CSMD1: variants seen among roughly 807,000 people sequenced by gnomAD.
CSMD1 encodes CUB and sushi domain-containing protein 1.
A neutral mutation model predicts 417.5 loss-of-function variants in CSMD1; 213 were observed. The observed-to-expected ratio is 0.51, with a 90% CI of 0.46 to 0.57. CSMD1 has a LOEUF of 0.57. CSMD1 is among the 20% of genes least tolerant of loss of function. The pLI, the probability that CSMD1 is intolerant of heterozygous loss-of-function variation, is 0.00. For missense variants in CSMD1, 6,923 were observed against 4,529.7 expected (o/e 1.53, Z -15.17); for synonymous variants, 2,862 against 1,736.8 (o/e 1.65, Z -16.11).
intron 10 of CSMD1, among the ~76,000 whole-genome samples, chr8:3,523,688 G>A (rs1563119817): frequency 1.3e-5 from 2 of 148,152 alleles, no homozygotes; most frequent in Non-Finnish European, 3.0e-5. Flanking sequence ...CACCCAGAGA[G>A]ACATATGCAC....
intron 20 of CSMD1, among the ~76,000 whole-genome samples, chr8:3,362,254 G>C (rs1449247260): frequency 6.6e-6 from 1 of 152,166 alleles, no homozygotes; most frequent in Non-Finnish European, 1.5e-5. Flanking sequence ...ATTTTTCAAA[G>C]TGTTGGGTGT....
intron 1 of CSMD1, among the ~76,000 whole-genome samples, chr8:4,652,616 C>A (rs373009710): frequency 2.6e-5 from 4 of 152,010 alleles, no homozygotes; most frequent in African/African-American, 9.6e-5. Flanking sequence ...CAAGCCATTG[C>A]ACCACAGCCT....
At chr8:3,222,152 A>G (rs184614852) in intron 28 of CSMD1, among the ~76,000 whole-genome samples, 78 of 152,192 alleles carry the variant, frequency 5.1e-4, no homozygotes, top group African/African-American at 1.8e-3. Flanking sequence ...GTCATAATCT[A>G]TGGGTTGGGA....
chr8:3,173,134 C>G (rs73183559), intron 37 of CSMD1, among the ~76,000 whole-genome samples: 1 of 152,086 alleles, frequency 6.6e-6, no homozygotes, highest in South Asian at 2.1e-4. Flanking sequence ...CATGTGATTA[C>G]GTAATTTATT....
rs374152414 is a variant in CSMD1, at chr8:3,454,123, T to C, written c.1561+14589A>G. Among the ~76,000 whole-genome samples, 84 of 152,312 alleles carry C rather than the reference T, an allele frequency of 5.5e-4. 1 individual carries two copies. In the South Asian group the frequency reaches 0.017, roughly 30 times the overall value. On this transcript the variant is annotated intron_variant, in intron 12 of 69. Coordinates refer to ENST00000635120, the MANE Select transcript of CSMD1 (RefSeq NM_033225.6). ...GTTTAAAGTCTGTTTTATCAGAGAC[T>C]AGGATTGCAACCCCTGCCTTTTTTT...
At chr8:3,804,030 C>G (rs1374983146) in intron 5 of CSMD1, among the ~76,000 whole-genome samples, 4 of 152,180 alleles carry the variant, frequency 2.6e-5, no homozygotes, top group Admixed American at 2.6e-4. Context: ...TGAGTTCAAG[C>G]GATTCTTCTT....
intron 2 of CSMD1, among the ~76,000 whole-genome samples, chr8:4,591,901 A>G (rs1800005412): frequency 1.3e-5 from 2 of 152,266 alleles, no homozygotes; most frequent in East Asian, 3.9e-4. Context: ...AAAGTTGGGC[A>G]GACATTCTGA....
At chr8:3,491,795 G>A (rs991887335) in intron 11 of CSMD1, among the ~76,000 whole-genome samples, 1 of 152,196 alleles carries the variant, frequency 6.6e-6, no homozygotes, top group Admixed American at 6.5e-5. Context: ...GCTACCCGGG[G>A]CAAGATTCCT....
chr8:4,494,630 C>T (rs750984158), intron 2 of CSMD1, among the ~76,000 whole-genome samples: 4 of 151,918 alleles, frequency 2.6e-5, no homozygotes, highest in East Asian at 1.9e-4. Flanking sequence ...AAAGAAAGTT[C>T]GCTTCATCCA....
chr8:3,636,586 G>A (rs896374530), intron 7 of CSMD1, among the ~76,000 whole-genome samples: 1 of 152,128 alleles, frequency 6.6e-6, no homozygotes, highest in Non-Finnish European at 1.5e-5. Context: ...GTCATGAAAC[G>A]GAATGTGAAA....
intron 5 of CSMD1, among the ~76,000 whole-genome samples, chr8:3,967,631 A>C (rs1404517317): frequency 6.6e-6 from 1 of 152,122 alleles, no homozygotes; most frequent in African/African-American, 2.4e-5. Context: ...TGCATTACTC[A>C]CATTTCCCCT....
chr8:4,924,715 T>C (rs1585339676), intron 1 of CSMD1, among the ~76,000 whole-genome samples: 4 of 40,152 alleles, frequency 1.0e-4, no homozygotes, highest in Non-Finnish European at 1.3e-4. Flanking sequence ...AGAATGAAAC[T>C]CCATCTCAAA....
At chr8:3,953,483 A>T (rs1238057391) in intron 5 of CSMD1, among the ~76,000 whole-genome samples, 1 of 152,158 alleles carries the variant, frequency 6.6e-6, no homozygotes, top group Non-Finnish European at 1.5e-5. Flanking sequence ...AGAGAGGTGT[A>T]TGGGCTGAGT....
chr8:3,781,942 C>G (rs535202143), intron 5 of CSMD1, among the ~76,000 whole-genome samples: 1 of 151,892 alleles, frequency 6.6e-6, no homozygotes, highest in Admixed American at 6.6e-5. Context: ...TCTCACATGC[C>G]AACTCCATTA....
chr8:4,255,685 A>C (rs1280454659), intron 3 of CSMD1, among the ~76,000 whole-genome samples: 4 of 152,214 alleles, frequency 2.6e-5, no homozygotes, highest in Non-Finnish European at 4.4e-5. Context: ...TGAAGAGTTA[A>C]GGTAGTTGAA....
At chr8:3,604,781 T>C (rs1801530029) in intron 8 of CSMD1, among the ~76,000 whole-genome samples, 1 of 152,126 alleles carries the variant, frequency 6.6e-6, no homozygotes, top group Non-Finnish European at 1.5e-5. Context: ...GCAGTTTTAT[T>C]GCTTGTGGTA....
chr8:4,195,476 G>T (rs536779888), intron 3 of CSMD1, among the ~76,000 whole-genome samples: 1 of 152,140 alleles, frequency 6.6e-6, no homozygotes, highest in Non-Finnish European at 1.5e-5. Flanking sequence ...TGTGCTCCTC[G>T]TGAGTCTCAC....
chr8:3,372,400 C>T (rs1810015541), intron 18 of CSMD1, among the ~76,000 whole-genome samples: 1 of 152,098 alleles, frequency 6.6e-6, no homozygotes, highest in African/African-American at 2.4e-5. Flanking sequence ...ACGACACGAT[C>T]TCATGACCTA....
rs529902173 is a variant in CSMD1, at chr8:4,654,283, A to C, written c.86-16725T>G. Among the ~76,000 whole-genome samples, 114 of 152,270 alleles carry C rather than the reference A, an allele frequency of 7.5e-4. 3 individuals carry two copies. In the South Asian group the frequency reaches 0.022, roughly 29 times the overall value. On this transcript the variant is annotated intron_variant, in intron 1 of 69. Transcript: ENST00000635120. Reference sequence around the variant, plus strand: ...GTTCAGGCAAATCTCAAATGAATATAGACTTATATGGAAAGGATATAAATG... The same window carrying C: ...GTTCAGGCAAATCTCAAATGAATATCGACTTATATGGAAAGGATATAAATG...
Sources: allele counts gnomAD v4.1 joint callset (sites outside exome capture counted in the v4.1 genomes callset), GRCh38; gene constraint gnomAD v4.1.1; transcripts MANE v1.5; gene names NCBI Gene and HGNC (gene_info 2026-07-23, HGNC 2026-07-21).